NALF1: variants seen among roughly 807,000 people sequenced by gnomAD.
NALF1 encodes family with sequence similarity 155 member A.
Under a neutral mutation model 48.4 loss-of-function variants are expected in NALF1, and 3 were observed. The observed-to-expected ratio is 0.06, with a 90% CI of 0.03 to 0.16. The LOEUF is 0.16. Among genes scored for constraint, NALF1 ranks in the 10% least tolerant of loss-of-function variants. The probability of loss-of-function intolerance (pLI) is 1.00; values close to 1 mark genes in which losing one functional copy is unlikely to be tolerated. For synonymous variants in NALF1, 262 were observed against 245.7 expected, an observed-to-expected ratio of 1.07 and a Z score of -0.62; for missense variants, 526 against 571.5, an observed-to-expected ratio of 0.92 and a Z score of 0.81.
At chr13:107,529,461 A>G (rs543271386) in intron 1 of NALF1, among the ~76,000 whole-genome samples, 2 of 152,290 alleles carry the variant, frequency 1.3e-5, no homozygotes, top group Admixed American at 1.3e-4. Context: ...TTAATGAAAC[A>G]GCAAATTATT....
At chr13:107,256,168 A>G (rs1402276273) in intron 1 of NALF1, among the ~76,000 whole-genome samples, 5 of 152,222 alleles carry the variant, frequency 3.3e-5, no homozygotes, top group African/African-American at 1.2e-4. Context: ...ATTAAAAACA[A>G]AGATAAATAT....
chr13:107,374,685 C>G (rs1480707191), intron 1 of NALF1, among the ~76,000 whole-genome samples: 35 of 152,010 alleles, frequency 2.3e-4, no homozygotes, highest in Non-Finnish European at 7.4e-5. Context: ...TGTTGGGAGG[C>G]GGGTTGTAAT....
intron 1 of NALF1, among the ~76,000 whole-genome samples, chr13:107,778,262 C>G (rs942307397): frequency 1.3e-5 from 2 of 152,144 alleles, no homozygotes; most frequent in Admixed American, 1.3e-4. Context: ...TCCTCCATCC[C>G]TTGGTGTAAA....
intron 1 of NALF1, among the ~76,000 whole-genome samples, chr13:107,769,332 C>A (rs191266520): frequency 0.09 from 13,280 of 148,160 alleles, 700 homozygotes; most frequent in East Asian, 0.17. Flanking sequence ...AAATGTGGCA[C>A]ATATACACCA....
chr13:107,398,742 T>C (rs1189327702), intron 1 of NALF1, among the ~76,000 whole-genome samples: 3 of 152,204 alleles, frequency 2.0e-5, no homozygotes, highest in Non-Finnish European at 4.4e-5. Context: ...TAGCTGGAAC[T>C]GAACAGGTAT....
At chr13:107,713,003 C>T (rs933474090) in intron 1 of NALF1, among the ~76,000 whole-genome samples, 3 of 152,158 alleles carry the variant, frequency 2.0e-5, no homozygotes, top group African/African-American at 7.2e-5. Context: ...GGAGCGAGCC[C>T]TTCTCCTTGG....
intron 1 of NALF1, among the ~76,000 whole-genome samples, chr13:107,457,825 T>C (rs16970146): frequency 0.019 from 2,958 of 152,290 alleles, 101 homozygotes; most frequent in African/African-American, 0.068. Flanking sequence ...GCAATCTCTG[T>C]TCACGTTTAT....
chr13:107,286,966 CAG>C (rs1881507043), intron 1 of NALF1, among the ~76,000 whole-genome samples: 2 of 152,148 alleles, frequency 1.3e-5, no homozygotes, highest in South Asian at 4.1e-4. Context: ...TTGGACTAGA[CAG>C]AGCTTGTGGC....
chr13:107,294,862 G>A (rs1219908186), intron 1 of NALF1, among the ~76,000 whole-genome samples: 1 of 152,192 alleles, frequency 6.6e-6, no homozygotes, highest in Non-Finnish European at 1.5e-5. Context: ...TCGAGAGGAT[G>A]AAAATGAGAC....
intron 1 of NALF1, among the ~76,000 whole-genome samples, chr13:107,733,013 A>T (rs1876358392): frequency 6.6e-6 from 1 of 152,142 alleles, no homozygotes; most frequent in Admixed American, 6.6e-5. Context: ...TGCTAATTTC[A>T]TGGATTAATA....
Position 107,866,676 on chromosome 13 carries a change from A to G in NALF1, c.-80T>C. The stretch of plus-strand genomic sequence containing the variant: ...GTCACCACAATATGCATTGACTTAA[A>G]GGGTTTAATTTCCTTATCCCCTCCT... On this transcript the variant is annotated 5_prime_UTR_variant, in exon 1 of 3. Coordinates refer to ENST00000375915, the MANE Select transcript of NALF1 (RefSeq NM_001080396.3). This position sits in a 1 kb window ranked among gnomAD's most constrained non-coding sequence, Gnocchi z 4.4. The G allele has an allele frequency of 2.5e-6, 3 of 1,215,824 alleles. No homozygotes were observed. The highest frequency in any genetic ancestry group is 3.5e-6 in the Non-Finnish European group (3 of 868,406). 75.3% of individuals were successfully genotyped at this position (1,215,824 alleles called of 1,614,324 possible). A position where few individuals can be genotyped will look rare whatever the true frequency, so the allele number is the denominator to read the frequency against.
chr13:107,547,005 T>C (rs980461775), intron 1 of NALF1, among the ~76,000 whole-genome samples: 2 of 152,236 alleles, frequency 1.3e-5, no homozygotes, highest in Admixed American at 1.3e-4. Flanking sequence ...AGGCTGCTCA[T>C]TTGCAAGTGG....
At chr13:107,340,234 G>A (rs931523323) in intron 1 of NALF1, among the ~76,000 whole-genome samples, 5 of 151,006 alleles carry the variant, frequency 3.3e-5, no homozygotes, top group Admixed American at 2.6e-4. Context: ...TCTGCCTCCC[G>A]GGTTCAAGCG....
intron 1 of NALF1, among the ~76,000 whole-genome samples, chr13:107,335,623 A>G (rs1402255696): frequency 6.6e-6 from 1 of 152,212 alleles, no homozygotes; most frequent in Non-Finnish European, 1.5e-5. Context: ...ATTTAGAAAT[A>G]TAGTTGATTG....
At chr13:107,819,859 G>A (rs1406479566) in intron 1 of NALF1, among the ~76,000 whole-genome samples, 1 of 151,468 alleles carries the variant, frequency 6.6e-6, no homozygotes, top group East Asian at 1.9e-4. Flanking sequence ...CCTTGTAGTA[G>A]CGCTTGCCAC....
At chr13:107,641,052 A>G (rs977835605) in intron 1 of NALF1, among the ~76,000 whole-genome samples, 21 of 152,234 alleles carry the variant, frequency 1.4e-4, no homozygotes, top group Non-Finnish European at 2.6e-4. Context: ...TGGTATTGAC[A>G]CACAATGAAA....
chr13:107,854,763 A>C (rs996664378), intron 1 of NALF1, among the ~76,000 whole-genome samples: 1 of 151,190 alleles, frequency 6.6e-6, no homozygotes, highest in African/African-American at 2.4e-5. Flanking sequence ...AATCCCAGCT[A>C]CTCGGGAGGC....
In NALF1 at chr13:107,344,007, GA is replaced by G. The variant is rs1882730016; in HGVS notation, c.916-133253del. Among the ~76,000 whole-genome samples the G allele has an allele frequency of 2.6e-5, 4 of 151,866 alleles. No homozygotes were observed. In the South Asian group the frequency reaches 8.3e-4, roughly 32 times the overall value. ...CAAGTAACTAAAATCAGAAATGAAA[GA>G]TGAGACATCACAATTGGTGCCAAAA... is the stretch of plus-strand genomic sequence containing the variant. On this transcript the variant is annotated intron_variant, in intron 1 of 2. Transcript: ENST00000375915.
intron 1 of NALF1, among the ~76,000 whole-genome samples, chr13:107,718,098 C>T (rs1875875396): frequency 6.6e-6 from 1 of 152,140 alleles, no homozygotes; most frequent in Admixed American, 6.6e-5. Context: ...GCGTATCCCT[C>T]ATCCCGAGGC....
Sources: allele counts gnomAD v4.1 joint callset (sites outside exome capture counted in the v4.1 genomes callset), GRCh38; gene constraint gnomAD v4.1.1; non-coding constraint Gnocchi (gnomAD v3.1); transcripts MANE v1.5; gene names NCBI Gene and HGNC (gene_info 2026-07-23, HGNC 2026-07-21).